Variants in CCDC93 observed in about 807,000 individuals in gnomAD.
CCDC93 encodes the protein CCC complex scaffolding subunit CCDC93.
In CCDC93, 61 loss-of-function variants were observed where a neutral mutation model predicts 108.2. The observed-to-expected ratio is 0.56, with a 90% CI of 0.46 to 0.70. CCDC93 has a LOEUF of 0.70. Ranked by LOEUF, CCDC93 falls within the 30% of genes least tolerant of loss-of-function variation. The pLI is 0.00. For missense variants in CCDC93, 685 were observed against 764.2 expected (o/e 0.90, Z 1.22); for synonymous variants, 276 against 260.4 (o/e 1.06, Z -0.58).
intron 16 of CCDC93, among the ~76,000 whole-genome samples, chr2:117,946,000 C>T (rs1678860644): frequency 6.6e-6 from 1 of 152,182 alleles, no homozygotes; most frequent in African/African-American, 2.4e-5. Context: ...ATACCACTGC[C>T]TCCTAGGCTC....
chr2:117,968,412 C>T (rs80197151), intron 11 of CCDC93, among the ~76,000 whole-genome samples: 6 of 152,304 alleles, frequency 3.9e-5, no homozygotes, highest in Admixed American at 3.9e-4. Flanking sequence ...CACACTGGTA[C>T]TTCTTGTAGC....
rs1678789192 is a variant in CCDC93, at chr2:117,944,018, A to G, written c.1413+6T>C. On this transcript the variant is annotated splice_donor_region_variant and intron_variant, in intron 18 of 23. Transcript: ENST00000376300. Reference sequence around the variant, plus strand: ...TTATGCATATTTTTGTCCTTCTTTTACTCACCTGTAGTAAACGTATCTTGT... The same window carrying G: ...TTATGCATATTTTTGTCCTTCTTTTGCTCACCTGTAGTAAACGTATCTTGT... 1 of 1,588,104 alleles carries G rather than the reference A, an allele frequency of 6.3e-7. No individual in the cohort carries two copies.
intron 1 of CCDC93, among the ~76,000 whole-genome samples, chr2:118,010,199 C>T (rs962480701): frequency 6.6e-6 from 1 of 152,176 alleles, no homozygotes; most frequent in African/African-American, 2.4e-5. Flanking sequence ...TCATGATCCA[C>T]CCGCCTCAGC....
intron 14 of CCDC93, among the ~76,000 whole-genome samples, chr2:117,948,646 T>C (rs1287470116): frequency 5.9e-5 from 9 of 152,268 alleles, no homozygotes; most frequent in African/African-American, 2.2e-4. Flanking sequence ...GAAACAAAGG[T>C]TTCTAATTAT....
Position 117,958,537 on chromosome 2 carries a change from T to C in CCDC93, c.889-56A>G, listed in dbSNP as rs1411101864. On this transcript the variant is annotated intron_variant, in intron 11 of 23. Transcript: ENST00000376300. ...GATTTAGTTAGTTGACCTTGGTTCATGTAATCAAGCCCTGTTCAATGTGGG... is the reference window on the plus strand; with the variant it reads ...GATTTAGTTAGTTGACCTTGGTTCACGTAATCAAGCCCTGTTCAATGTGGG... The C allele has an allele frequency of 1.1e-5, 11 of 1,034,978 alleles. No homozygotes were observed. The East Asian group carries it at 2.4e-4, about 22-fold the overall frequency. The allele number at this position is 1,034,978 out of a possible 1,614,324, so 64.1% of individuals were successfully genotyped here.
At chr2:117,927,190 T>C (rs1270073197) in intron 23 of CCDC93, among the ~76,000 whole-genome samples, 1 of 152,088 alleles carries the variant, frequency 6.6e-6, no homozygotes, top group African/African-American at 2.4e-5. Context: ...ACTGGAAGCA[T>C]TCCCTTTGAA....
intron 6 of CCDC93, among the ~76,000 whole-genome samples, chr2:117,987,603 C>A (rs558628270): frequency 6.6e-6 from 1 of 152,168 alleles, no homozygotes; most frequent in Non-Finnish European, 1.5e-5. Context: ...CCTCAATGGG[C>A]CTCAGTTTCT....
At chr2:117,946,478 A>G (rs1678876598) in intron 16 of CCDC93, among the ~76,000 whole-genome samples, 1 of 152,216 alleles carries the variant, frequency 6.6e-6, no homozygotes, top group Admixed American at 6.5e-5. Flanking sequence ...AGGTGAAATG[A>G]GTAAACTGGC....
chr2:118,013,971 C>T lies in CCDC93; in HGVS notation c.25G>A (p.Gly9Ser). 1 of 1,594,828 alleles carries T rather than the reference C, an allele frequency of 6.3e-7. No individual in the cohort carries two copies. Among genetic ancestry groups the T allele is most frequent in the Non-Finnish European group, 8.5e-7 (1 of 1,172,236 alleles). Residue 9 changes from glycine to serine, a missense_variant, in exon 1 of 24, where the codon GGC becomes AGC. By Grantham distance (56) the Gly-to-Ser change is moderately conservative. Coordinates refer to ENST00000376300, the MANE Select transcript of CCDC93 (RefSeq NM_019044.5). MGLPRGPE[G>S]QGLPEVETRE... ...GTTCTTACCTCCGGGAGACCCTGGC[C>T]CTCCGGCCCCCTGGGCAACCCCATG... is the stretch of plus-strand genomic sequence containing the variant.
intron 23 of CCDC93, among the ~76,000 whole-genome samples, chr2:117,922,890 C>T (rs1446887125): frequency 6.6e-6 from 1 of 152,080 alleles, no homozygotes; most frequent in Non-Finnish European, 1.5e-5. Flanking sequence ...TCCCTATCGT[C>T]ACCTCCTCCT....
rs982727301 is a variant in CCDC93 at position 118,013,992 on chromosome 2, C to G, written c.4G>C (p.Gly2Arg). 4.4e-6 allele frequency: 7 copies of G among 1,594,824 alleles called. No homozygotes were observed. In the Admixed American group the frequency reaches 7.0e-5, roughly 16 times the overall value. The change falls in exon 1 of 24, where the codon GGG becomes CGG. Residue 2 changes from glycine (G) to arginine (R), a missense_variant. Gly to Arg is a moderately radical substitution (Grantham distance 125). Transcript: ENST00000376300. Reference sequence around the variant, plus strand: ...TGGCCCTCCGGCCCCCTGGGCAACCCCATGATCCGACCGGGCTGTCGTAAG... The same window carrying G: ...TGGCCCTCCGGCCCCCTGGGCAACCGCATGATCCGACCGGGCTGTCGTAAG... M[G>R]LPRGPEGQGL...
Position 117,939,433 on chromosome 2 carries a change from C to T in CCDC93, c.1523-322G>A, listed in dbSNP as rs552249433. ...GGGTTGTAGATATTTGATAATAACACATTGATACAGGTATTTTGATGTAAC... is the reference window on the plus strand; with the variant it reads ...GGGTTGTAGATATTTGATAATAACATATTGATACAGGTATTTTGATGTAAC... On this transcript the variant is annotated intron_variant, in intron 19 of 23. Coordinates refer to ENST00000376300, the MANE Select transcript of CCDC93 (RefSeq NM_019044.5). Among the ~76,000 whole-genome samples the T allele has an allele frequency of 4.8e-4, 73 of 152,300 alleles. 1 individual carries two copies. In the South Asian group the frequency reaches 0.012, roughly 26 times the overall value.
intron 3 of CCDC93, among the ~76,000 whole-genome samples, chr2:118,004,831 T>TCA (rs1169156969): frequency 1.3e-5 from 2 of 152,274 alleles, no homozygotes; most frequent in Admixed American, 6.5e-5. Flanking sequence ...TAACACATCC[T>TCA]CAATCCCTTA....
At chr2:117,981,938 A>T (rs1680136544) in intron 7 of CCDC93, among the ~76,000 whole-genome samples, 1 of 152,122 alleles carries the variant, frequency 6.6e-6, no homozygotes, top group Non-Finnish European at 1.5e-5. Context: ...CAAAATAGGG[A>T]CATAAAAAGC....
chr2:117,951,619 G>A (rs945172033), intron 13 of CCDC93: 21 of 999,814 alleles, frequency 2.1e-5, no homozygotes, highest in African/African-American at 3.5e-5. Flanking sequence ...ACCTTGCAGC[G>A]AGGTCCTTCC....
chr2:117,996,170 G>A, intron 5 of CCDC93, 94 bp downstream of exon 5: 2 of 740,498 alleles, frequency 2.7e-6, no homozygotes, highest in East Asian at 2.6e-5. Context: ...GAGAATGTAG[G>A]GGAGCCTGAG....
At chr2:118,006,362 C>T (rs1676868772) in intron 3 of CCDC93, among the ~76,000 whole-genome samples, 1 of 152,156 alleles carries the variant, frequency 6.6e-6, no homozygotes, top group South Asian at 2.1e-4. Flanking sequence ...GCAGGGTATG[C>T]TCAGGTGAGA....
chr2:117,936,149 C>T (rs1462581628), intron 21 of CCDC93, among the ~76,000 whole-genome samples: 1 of 151,606 alleles, frequency 6.6e-6, no homozygotes, highest in Non-Finnish European at 1.5e-5. Context: ...AAGGGCCTGC[C>T]AGAGGACAGC....
chr2:118,003,627 T>C (rs1198767503), intron 3 of CCDC93, among the ~76,000 whole-genome samples: 1 of 152,166 alleles, frequency 6.6e-6, no homozygotes, highest in East Asian at 1.9e-4. Flanking sequence ...CCATCCAGCC[T>C]AACCCCCTGC....
Sources: allele counts gnomAD v4.1 joint callset (sites outside exome capture counted in the v4.1 genomes callset), GRCh38; gene constraint gnomAD v4.1.1; transcripts MANE v1.5; gene names NCBI Gene and HGNC (gene_info 2026-07-23, HGNC 2026-07-21).